TBC1D31: variants seen among roughly 807,000 people sequenced by gnomAD.
TBC1D31 encodes WD repeat domain 67.
A neutral mutation model predicts 132.9 loss-of-function variants in TBC1D31; 99 were observed. The observed-to-expected ratio is 0.74, with a 90% CI of 0.63 to 0.88. The LOEUF (loss-of-function observed/expected upper bound fraction) is 0.88. Ranked by LOEUF, TBC1D31 falls within the 40% of genes least tolerant of loss-of-function variation. TBC1D31 has a pLI of 0.00. For missense variants in TBC1D31, 1,134 were observed against 1,256.6 expected (o/e 0.90, Z 1.48); for synonymous variants, 385 against 419.4 (o/e 0.92, Z 1.00).
intron 14 of TBC1D31, 104 bp from the exon 15 acceptor site, chr8:123,128,962 C>A: frequency 2.8e-6 from 2 of 702,954 alleles, no homozygotes; most frequent in Non-Finnish European, 4.4e-6. Flanking sequence ...TTAATTCTTG[C>A]ATATGGAAAT....
intron 2 of TBC1D31, among the ~76,000 whole-genome samples, chr8:123,077,554 C>A (rs1814666178): frequency 1.5e-5 from 2 of 137,298 alleles, no homozygotes; most frequent in Non-Finnish European, 3.1e-5. Flanking sequence ...TTTCTTCAGA[C>A]GGAGCCTTGT....
chr8:123,163,714 A>G, the TBC1D31 span, among the ~76,000 whole-genome samples: 1 of 152,112 alleles, frequency 6.6e-6, no homozygotes, highest in African/African-American at 2.4e-5. Context: ...TTTGGGGGGT[A>G]CAGGTGGTTT....
At chr8:123,154,030 T>G (rs1175293879), downstream of TBC1D31, among the ~76,000 whole-genome samples, 2 of 152,080 alleles carry the variant, frequency 1.3e-5, no homozygotes, top group Non-Finnish European at 2.9e-5. Context: ...ATTCATAGAG[T>G]TTTTCTCTAG....
intron 17 of TBC1D31, among the ~76,000 whole-genome samples, chr8:123,136,160 T>A (rs866624000): frequency 6.6e-6 from 1 of 152,244 alleles, no homozygotes; most frequent in African/African-American, 2.4e-5. Context: ...TAACATAAGA[T>A]GATCTGATAT....
At chr8:123,111,353 C>T (rs756587971) in intron 10 of TBC1D31, among the ~76,000 whole-genome samples, 15 of 152,056 alleles carry the variant, frequency 9.9e-5, no homozygotes, top group South Asian at 2.1e-4. Flanking sequence ...ACTTGGTTAC[C>T]GGAAGATACA....
chr8:123,105,143 A>G (rs1817802733), intron 7 of TBC1D31, 145 bp from the exon 8 acceptor site: 1 of 493,354 alleles, frequency 2.0e-6, no homozygotes, highest in East Asian at 3.5e-5. Flanking sequence ...AAATGTTCCT[A>G]GACATTTTAC....
chr8:123,088,235 T>A (rs547079673), intron 4 of TBC1D31, among the ~76,000 whole-genome samples: 1 of 152,176 alleles, frequency 6.6e-6, no homozygotes, highest in Admixed American at 6.5e-5. Flanking sequence ...TAGTTTAAGT[T>A]ATCAGCAAAT....
chr8:123,118,577 A>G (rs1241406562), intron 10 of TBC1D31, among the ~76,000 whole-genome samples: 2 of 152,194 alleles, frequency 1.3e-5, no homozygotes, highest in Non-Finnish European at 2.9e-5. Context: ...GTAAAACTGA[A>G]AAAACATATG....
chr8:123,126,463 T>A, intron 12 of TBC1D31, 45 bp from the exon 13 acceptor site: 1 of 1,558,124 alleles, frequency 6.4e-7, no homozygotes, highest in Non-Finnish European at 8.8e-7. Flanking sequence ...ACTCCCTTTT[T>A]ACTTTTCCCT....
chr8:123,140,678 C>A (rs1790554214), intron 17 of TBC1D31, 83 bp from the exon 18 acceptor site: 2 of 1,062,368 alleles, frequency 1.9e-6, no homozygotes, highest in Non-Finnish European at 2.7e-6. Flanking sequence ...TATTTGTGTG[C>A]ATATTACTAT....
chr8:123,093,586 C>G lies in TBC1D31; in HGVS notation c.520-5C>G. On this transcript the variant is annotated splice_polypyrimidine_tract_variant and splice_region_variant and intron_variant, in intron 4 of 21. Coordinates refer to ENST00000287380, the MANE Select transcript of TBC1D31 (RefSeq NM_145647.4). Reference sequence around the variant, plus strand: ...TGAAAACTAACTTTCTCTATTCCTCCTTAGGTTTTCTTTCTACCATTAAGT... The same window carrying G: ...TGAAAACTAACTTTCTCTATTCCTCGTTAGGTTTTCTTTCTACCATTAAGT... The G allele has an allele frequency of 2.5e-6, 4 of 1,594,244 alleles. No homozygotes were observed. The highest frequency in any genetic ancestry group is 2.6e-6 in the Non-Finnish European group (3 of 1,167,166).
Position 123,115,195 on chromosome 8 carries a change from G to A in TBC1D31, c.1437-4860G>A, listed in dbSNP as rs78061603. Among the ~76,000 whole-genome samples the A allele has an allele frequency of 4.0e-3, 610 of 152,244 alleles. 2 individuals are homozygous for A. The highest frequency in any genetic ancestry group is 0.013 in the African/African-American group (559 of 41,534). On this transcript the variant is annotated intron_variant, in intron 10 of 21. Coordinates refer to ENST00000287380, the MANE Select transcript of TBC1D31 (RefSeq NM_145647.4). ...ATGCCAGTGTTACTGTGTTTTCACC[G>A]ACACTGGATGTTATCAGTCTTTATT...
chr8:123,143,148 C>G (rs974424160), intron 19 of TBC1D31, among the ~76,000 whole-genome samples: 56 of 152,080 alleles, frequency 3.7e-4, no homozygotes, highest in Non-Finnish European at 4.4e-5. Context: ...TTCCAGGCAG[C>G]GGGGAGAAGG....
intron 16 of TBC1D31, among the ~76,000 whole-genome samples, chr8:123,132,313 A>G (rs1271846499): frequency 6.9e-6 from 1 of 143,948 alleles, no homozygotes; most frequent in African/African-American, 2.6e-5. Flanking sequence ...TCCCAATCCT[A>G]TTGGAATTTT....
At chr8:123,088,157 C>A (rs2130011698) in intron 4 of TBC1D31, among the ~76,000 whole-genome samples, 1 of 151,204 alleles carries the variant, frequency 6.6e-6, no homozygotes, top group South Asian at 2.1e-4. Flanking sequence ...CCATTGCACT[C>A]CAGTGTGGGC....
intron 1 of TBC1D31, among the ~76,000 whole-genome samples, chr8:123,074,364 T>A (rs1451538628): frequency 6.6e-6 from 1 of 152,208 alleles, no homozygotes; most frequent in Non-Finnish European, 1.5e-5. Context: ...CAAAGTGCGA[T>A]GCGAGACGTT....
chr8:123,099,295 A>G (rs957746866), intron 6 of TBC1D31, among the ~76,000 whole-genome samples: 6 of 151,334 alleles, frequency 4.0e-5, no homozygotes, highest in African/African-American at 9.7e-5. Context: ...AATTTTTTGT[A>G]TTTTTTAGTA....
At position 123,082,874 on chromosome 8, in the gene TBC1D31, G is replaced by C. The variant is rs1025100290; in HGVS notation, c.340+57G>C. On this transcript the variant is annotated intron_variant, in intron 3 of 21. Coordinates refer to ENST00000287380, the MANE Select transcript of TBC1D31 (RefSeq NM_145647.4). The stretch of plus-strand genomic sequence containing the variant: ...AGAGTAAAATATAAACTGAAGAACT[G>C]CAAGAACTTTATCACTCTGTACAGC... 19 of 1,223,948 alleles carry C rather than the reference G, an allele frequency of 1.6e-5. No individual in the cohort carries two copies. In the South Asian group the frequency reaches 2.3e-4, roughly 15 times the overall value. The allele number at this position is 1,223,948 out of a possible 1,614,324, so 75.8% of individuals were successfully genotyped here. A position where few individuals can be genotyped will look rare whatever the true frequency, so the allele number is the denominator to read the frequency against.
intron 17 of TBC1D31, among the ~76,000 whole-genome samples, chr8:123,139,085 C>T (rs758746248): frequency 2.0e-5 from 3 of 150,466 alleles, no homozygotes; most frequent in Admixed American, 1.3e-4. Context: ...TGGGATTATA[C>T]GTATAAGCCA....
Sources: allele counts gnomAD v4.1 joint callset (sites outside exome capture counted in the v4.1 genomes callset), GRCh38; gene constraint gnomAD v4.1.1; transcripts MANE v1.5; gene names NCBI Gene and HGNC (gene_info 2026-07-23, HGNC 2026-07-21).